The following PICALM variants were observed in gnomAD, a reference collection of about 807,000 sequenced individuals.
PICALM encodes phosphatidylinositol binding clathrin assembly protein, also known as phosphatidylinositol-binding clathrin assembly protein.
In PICALM, 40 loss-of-function variants were observed where a neutral mutation model predicts 80.5. The observed-to-expected ratio is 0.50, with a 90% confidence interval of 0.39 to 0.65. The LOEUF is 0.65. PICALM is among the 30% of genes least tolerant of loss of function. The probability of loss-of-function intolerance (pLI) is 0.00; values close to 1 mark genes in which losing one functional copy is unlikely to be tolerated. For synonymous variants in PICALM, 288 were observed against 260.3 expected (o/e 1.11, Z -1.02); for missense variants, 676 against 778.9 (o/e 0.87, Z 1.57).
intron 1 of PICALM, among the ~76,000 whole-genome samples, chr11:86,041,788 A>G (rs138358351): frequency 1.3e-5 from 2 of 152,324 alleles, no homozygotes; most frequent in African/African-American, 2.4e-5. Context: ...ACTGTCTCTT[A>G]AAATTATCTT....
intron 18 of PICALM, 111 bp downstream of exon 18, chr11:85,976,504 AGGCACTAG>A: frequency 1.5e-6 from 1 of 646,234 alleles, no homozygotes; most frequent in Non-Finnish European, 2.9e-6. Flanking sequence ...CTACTGCATT[AGGCACTAG>A]GGCTAGGAGT....
chr11:85,964,327 A>G (rs2093800606), intron 19 of PICALM, among the ~76,000 whole-genome samples: 1 of 152,198 alleles, frequency 6.6e-6, no homozygotes, highest in Non-Finnish European at 1.5e-5. Flanking sequence ...AATGCTGTAG[A>G]GATTCATTCT....
intron 5 of PICALM, 30 bp from the exon 6 acceptor site, chr11:86,012,422 T>C: frequency 8.2e-7 from 1 of 1,221,440 alleles, no homozygotes; most frequent in Non-Finnish European, 1.2e-6. Flanking sequence ...TAAAATTAGC[T>C]AATCTTAGGT....
intron 1 of PICALM, among the ~76,000 whole-genome samples, chr11:86,046,482 C>T (rs142284222): frequency 6.6e-6 from 1 of 152,272 alleles, no homozygotes; most frequent in Non-Finnish European, 1.5e-5. Flanking sequence ...AGCATCATTA[C>T]AAATATTTTC....
intron 1 of PICALM, among the ~76,000 whole-genome samples, chr11:86,038,145 C>A (rs1165630268): frequency 2.0e-5 from 3 of 151,982 alleles, no homozygotes. Context: ...TATGGTGAAA[C>A]CCTGTCTCTA....
intron 1 of PICALM, among the ~76,000 whole-genome samples, chr11:86,063,690 C>T (rs1052847401): frequency 1.3e-5 from 2 of 152,200 alleles, no homozygotes; most frequent in East Asian, 1.9e-4. Flanking sequence ...CATGTGTGAT[C>T]AAATCTTACT....
chr11:86,029,465 A>G (rs1434566976), intron 2 of PICALM, among the ~76,000 whole-genome samples: 3 of 152,256 alleles, frequency 2.0e-5, no homozygotes, highest in African/African-American at 7.2e-5. Flanking sequence ...GCCTACAGGA[A>G]GCTAAACATG....
intron 1 of PICALM, among the ~76,000 whole-genome samples, chr11:86,040,640 A>G (rs902342527): frequency 3.9e-5 from 6 of 152,344 alleles, no homozygotes; most frequent in African/African-American, 1.4e-4. Context: ...GGGGCTGTCA[A>G]TGTCTCTGGG....
chr11:85,970,257 G>A (rs1358743991), intron 19 of PICALM, among the ~76,000 whole-genome samples: 1 of 152,148 alleles, frequency 6.6e-6, no homozygotes, highest in East Asian at 1.9e-4. Flanking sequence ...AAGAATTCCA[G>A]ATCTCATAAG....
intron 1 of PICALM, among the ~76,000 whole-genome samples, chr11:86,037,595 A>G (rs2095865973): frequency 6.7e-6 from 1 of 150,288 alleles, no homozygotes; most frequent in African/African-American, 2.5e-5. Flanking sequence ...CTTGTAGTGG[A>G]GGTTGAGGCG....
At chr11:85,979,503 A>G (rs1200318293) in intron 17 of PICALM, among the ~76,000 whole-genome samples, 1 of 151,898 alleles carries the variant, frequency 6.6e-6, no homozygotes, top group Admixed American at 6.6e-5. Flanking sequence ...AAAAAAAAAA[A>G]TACAAAATAA....
rs1593612528 is a variant in PICALM, at chr11:86,068,633, G to C, written c.130+18C>G. The C allele has an allele frequency of 6.3e-7, 1 of 1,598,146 alleles. No individual in the cohort carries two copies. Among genetic ancestry groups the C allele is most frequent in the Non-Finnish European group, 8.5e-7 (1 of 1,173,934 alleles). On this transcript the variant is annotated intron_variant, in intron 1 of 19. Coordinates refer to ENST00000393346, the MANE Select transcript of PICALM (RefSeq NM_007166.4). ...GCGCGGGCGCCGGGGAGCGGGGGCC[G>C]CGGTCGGCTTCACTCACAGTCCAGG...
intron 1 of PICALM, among the ~76,000 whole-genome samples, chr11:86,044,429 C>A (rs1035121571): frequency 2.4e-4 from 36 of 152,204 alleles, no homozygotes; most frequent in African/African-American, 8.7e-4. Flanking sequence ...AAAGACACAT[C>A]AAACGGGATC....
intron 19 of PICALM, among the ~76,000 whole-genome samples, chr11:85,963,661 ACTACT>A (rs1156505723): frequency 6.6e-6 from 1 of 152,146 alleles, no homozygotes; most frequent in African/African-American, 2.4e-5. Context: ...CCCCTCCTCC[ACTACT>A]CTAATCAATC....
chr11:86,019,269 G>C (rs1197147746), intron 4 of PICALM, among the ~76,000 whole-genome samples: 2 of 48,812 alleles, frequency 4.1e-5, no homozygotes, highest in Non-Finnish European at 8.4e-5. Flanking sequence ...TGATATTCTT[G>C]ATTTTTTTCT....
chr11:86,049,621 C>T (rs575108689), intron 1 of PICALM, among the ~76,000 whole-genome samples: 47 of 151,388 alleles, frequency 3.1e-4, no homozygotes, highest in African/African-American at 1.1e-3. Context: ...GGCGCAATCT[C>T]GGGGTTTCAT....
At chr11:86,065,304 G>C (rs963236223) in intron 1 of PICALM, among the ~76,000 whole-genome samples, 2 of 151,974 alleles carry the variant, frequency 1.3e-5, no homozygotes, top group Non-Finnish European at 2.9e-5. Flanking sequence ...AAATTAGCTG[G>C]GTGTGGTGGC....
At chr11:86,046,897 C>A (rs1392813522) in intron 1 of PICALM, among the ~76,000 whole-genome samples, 2 of 152,162 alleles carry the variant, frequency 1.3e-5, no homozygotes, top group Non-Finnish European at 2.9e-5. Context: ...TTTGGCCTCC[C>A]AAAGTGTTGG....
At chr11:85,968,252 T>C (rs758302536) in intron 19 of PICALM, among the ~76,000 whole-genome samples, 5 of 151,914 alleles carry the variant, frequency 3.3e-5, no homozygotes, top group Admixed American at 6.6e-5. Flanking sequence ...GATTGTGCCA[T>C]TGCACTCCAG....
Sources: gnomAD v4.1 joint callset for allele counts (sites outside exome capture counted in the v4.1 genomes callset) on GRCh38, gnomAD v4.1.1 for gene constraint, MANE v1.5 for transcripts, NCBI Gene and HGNC (gene_info 2026-07-23, HGNC 2026-07-21) for gene names.